Variants in COL5A1 observed in about 807,000 individuals in gnomAD.
The protein encoded by COL5A1 is collagen alpha-1(V) chain.
In COL5A1, 16 loss-of-function variants were observed where a neutral mutation model predicts 263.7. The ratio of observed to expected loss-of-function variants is 0.06; its 90% CI spans 0.04 to 0.09. COL5A1 has a LOEUF of 0.09. COL5A1 is among the 10% of genes least tolerant of loss of function. COL5A1 has a pLI of 1.00. For missense variants in COL5A1, 2,036 were observed against 2,540.5 expected, an observed-to-expected ratio of 0.80 and a Z score of 4.27; for synonymous variants, 1,012 against 1,004.5, an observed-to-expected ratio of 1.01 and a Z score of -0.14.
intron 36 of COL5A1, among the ~76,000 whole-genome samples, chr9:134,797,514 GCT>G (rs1837956021): frequency 2.0e-5 from 3 of 152,050 alleles, no homozygotes; most frequent in Admixed American, 1.3e-4. Context: ...ACAGAGTCTC[GCT>G]CTGTCGCCCA....
chr9:134,805,174 T>G lies in COL5A1; in HGVS notation c.3218T>G (p.Leu1073Arg), dbSNP rs1164913491. 1 of 1,613,988 alleles carries G rather than the reference T, an allele frequency of 6.2e-7. No individual in the cohort carries two copies. Among genetic ancestry groups the G allele is most frequent in the Non-Finnish European group, 8.5e-7 (1 of 1,180,006 alleles). ...GLPGPVGALG[L>R]KGNEGPPGPP... ...ATGGCTTTGCAGGGAGCTCTTGGACTGAAAGGCAATGAAGGGCCCCCTGGC... is the reference window on the plus strand; with the variant it reads ...ATGGCTTTGCAGGGAGCTCTTGGACGGAAAGGCAATGAAGGGCCCCCTGGC... The change falls in exon 41 of 66, where the codon CTG becomes CGG. Residue 1073 changes from leucine to arginine, a missense_variant. Physicochemically the swap from Leu to Arg is moderately radical, Grantham distance 102 (BLOSUM62 -2). Transcript: ENST00000371817.
At chr9:134,807,910 CA>C (rs1489222947) in intron 42 of COL5A1, among the ~76,000 whole-genome samples, 2 of 152,100 alleles carry the variant, frequency 1.3e-5, no homozygotes, top group African/African-American at 4.8e-5. Flanking sequence ...AGAAACCTTG[CA>C]AGAGTTGCTC....
chr9:134,756,059 T>A (rs1468705824), intron 16 of COL5A1, among the ~76,000 whole-genome samples: 1 of 152,056 alleles, frequency 6.6e-6, no homozygotes, highest in Non-Finnish European at 1.5e-5. Context: ...CTGGCTGAGT[T>A]TCATAGAGAC....
intron 11 of COL5A1, 88 bp downstream of exon 11, chr9:134,738,896 C>G (rs2132656258): frequency 9.1e-7 from 1 of 1,099,308 alleles, no homozygotes; most frequent in East Asian, 2.4e-5. Context: ...GCTGTCCCTG[C>G]CTGTGGAGGT....
chr9:134,819,700 G>A (rs1420301533), intron 57 of COL5A1, among the ~76,000 whole-genome samples: 1 of 152,214 alleles, frequency 6.6e-6, no homozygotes, highest in East Asian at 1.9e-4. Context: ...AACAACCCAT[G>A]ATTGTAATAT....
In COL5A1 at chr9:134,720,930, G is replaced by C. The variant is rs567182036; in HGVS notation, c.655-6336G>C. Among the ~76,000 whole-genome samples the C allele has an allele frequency of 3.9e-5, 6 of 152,136 alleles. No homozygotes were observed. The South Asian group carries it at 1.2e-3, about 31-fold the overall frequency. ...GCTGCCTTCAAGGTCTGTGAGGGGCGGCTCCAGGCCTGGCTGCATCTTAGA... is the reference window on the plus strand; with the variant it reads ...GCTGCCTTCAAGGTCTGTGAGGGGCCGCTCCAGGCCTGGCTGCATCTTAGA... On this transcript the variant is annotated intron_variant, in intron 4 of 65. Transcript: ENST00000371817.
intron 20 of COL5A1, among the ~76,000 whole-genome samples, chr9:134,764,334 T>TG (rs1442289730): frequency 7.5e-5 from 3 of 40,068 alleles, no homozygotes; most frequent in African/African-American, 2.1e-4. Flanking sequence ...GGGGGCGGCA[T>TG]GGGGGGTTCA....
intron 64 of COL5A1, among the ~76,000 whole-genome samples, chr9:134,830,685 C>T (rs1211967153): frequency 1.3e-5 from 2 of 152,244 alleles, no homozygotes; most frequent in East Asian, 3.8e-4. Flanking sequence ...ACACTGCACA[C>T]CACTGTACGA....
chr9:134,803,105 C>T (rs1242774108), intron 39 of COL5A1, 110 bp downstream of exon 39: 19 of 896,078 alleles, frequency 2.1e-5, no homozygotes, highest in Middle Eastern at 2.1e-4. Context: ...GTCAAACAGA[C>T]GCTTCTCATG....
At chr9:134,762,871 G>A (rs1836511884) in intron 19 of COL5A1, among the ~76,000 whole-genome samples, 1 of 114,724 alleles carries the variant, frequency 8.7e-6, no homozygotes, top group Non-Finnish European at 1.6e-5. Flanking sequence ...GAGAGGACGT[G>A]TGTGTGTGTG....
chr9:134,806,288 G>A lies in COL5A1; in HGVS notation c.3358G>A (p.Gly1120Arg). Residue 1120 changes from glycine (G) to arginine (R), a missense_variant, in exon 42 of 66, where the codon GGG (glycine) becomes AGG (arginine). By Grantham distance (125) the Gly-to-Arg change is moderately radical (BLOSUM62 -2). This residue lies in a region of COL5A1 where 1,078 missense variants were observed against 1,521.4 expected (regional missense o/e 0.71). Coordinates refer to ENST00000371817, the MANE Select transcript of COL5A1 (RefSeq NM_000093.5). Reference sequence around the variant, plus strand: ...ACCCCCAGGGCCGGCAGGAGAGAAAGGGGCTCCTGTAAGTACTGCCTTGGA... The same window carrying A: ...ACCCCCAGGGCCGGCAGGAGAGAAAAGGGCTCCTGTAAGTACTGCCTTGGA... ...QGPPGPAGEK[G>R]APGEKGPQGP... 1 of 1,547,720 alleles carries A rather than the reference G, an allele frequency of 6.5e-7. No homozygotes were observed. Among genetic ancestry groups the A allele is most frequent in the Non-Finnish European group, 8.7e-7 (1 of 1,145,674 alleles).
At chr9:134,729,422 G>C (rs912765038) in intron 6 of COL5A1, among the ~76,000 whole-genome samples, 2 of 152,216 alleles carry the variant, frequency 1.3e-5, no homozygotes, top group African/African-American at 4.8e-5. Context: ...AGGGTGGGGT[G>C]TGAGCATGGG....
intron 4 of COL5A1, among the ~76,000 whole-genome samples, chr9:134,704,510 C>T (rs755108327): frequency 3.1e-4 from 47 of 152,162 alleles, no homozygotes; most frequent in Admixed American, 5.9e-4. Flanking sequence ...CTGCAGCTGG[C>T]GCCTGGCAGG....
rs1830189146 is a variant in COL5A1 at position 134,844,378 on chromosome 9, G to A, written c.*2075G>A. 1 of 152,584 alleles carries A rather than the reference G, an allele frequency of 6.6e-6. No homozygotes were observed. The highest frequency in any genetic ancestry group is 2.1e-4 in the South Asian group (1 of 4,812). 9.5% of individuals were successfully genotyped at this position (152,584 alleles called of 1,614,324 possible). ...GACTGCGTCTAGGTCATGTGATTCT[G>A]TTTTCATTTCTCATCCCATCCAATT... On this transcript the variant is annotated 3_prime_UTR_variant, in exon 66 of 66. Coordinates refer to ENST00000371817, the MANE Select transcript of COL5A1 (RefSeq NM_000093.5).
chr9:134,762,960 G>A (rs544414817), intron 19 of COL5A1, among the ~76,000 whole-genome samples: 8 of 152,258 alleles, frequency 5.3e-5, no homozygotes, highest in South Asian at 2.1e-4. Flanking sequence ...ATGCATGCAC[G>A]CATGGCTGTG....
At chr9:134,751,428 G>A (rs955983937) in intron 13 of COL5A1, among the ~76,000 whole-genome samples, 1 of 152,224 alleles carries the variant, frequency 6.6e-6, no homozygotes, top group Non-Finnish European at 1.5e-5. Context: ...AAGTGGAGCC[G>A]GAAACCCACG....
rs1470921410 is a variant in COL5A1 at position 134,843,329 on chromosome 9, A to C, written c.*1026A>C. ...GAAACCACATTTTTTGTAGGTGATA[A>C]CTCAATGAAAATTGGTGCTTATTTT... On this transcript the variant is annotated 3_prime_UTR_variant, in exon 66 of 66. Transcript: ENST00000371817. 1 of 152,586 alleles carries C rather than the reference A, an allele frequency of 6.6e-6. No individual in the cohort carries two copies. Among genetic ancestry groups the C allele is most frequent in the African/African-American group, 2.4e-5 (1 of 41,422 alleles). The allele number at this position is 152,586 out of a possible 1,614,324, so 9.5% of individuals were successfully genotyped here.
Position 134,680,855 on chromosome 9 carries a change from C to T in COL5A1, c.110-10057C>T, listed in dbSNP as rs1349148929. ...GGAGCTTTTAGGTGGGTGCATGGAA[C>T]CTGCTTTGGCGAAGTGGCAGTGAGC... On this transcript the variant is annotated intron_variant, in intron 1 of 65. Coordinates refer to ENST00000371817, the MANE Select transcript of COL5A1 (RefSeq NM_000093.5). This position sits in a 1 kb window ranked among gnomAD's most constrained non-coding sequence, Gnocchi z 5.9. 6.6e-6 allele frequency among the ~76,000 whole-genome samples: 1 copy of T among 152,142 alleles called. No individual in the cohort carries two copies.
intron 37 of COL5A1, among the ~76,000 whole-genome samples, chr9:134,800,379 C>T (rs1382733329): frequency 6.6e-6 from 1 of 152,208 alleles, no homozygotes; most frequent in Non-Finnish European, 1.5e-5. Context: ...GTGCAATGAA[C>T]ATTAGAAACG....
Sources: allele counts gnomAD v4.1 joint callset (sites outside exome capture counted in the v4.1 genomes callset), GRCh38; gene constraint gnomAD v4.1.1; regional missense constraint gnomAD v4.1.1; non-coding constraint Gnocchi (gnomAD v3.1); transcripts MANE v1.5; gene names NCBI Gene and HGNC (gene_info 2026-07-23, HGNC 2026-07-21).